Variants in ANKRD12 observed in about 807,000 individuals in gnomAD.
ANKRD12 encodes ankyrin repeat domain 12.
Under a neutral mutation model 183.4 loss-of-function variants are expected in ANKRD12, and 85 were observed. The ratio of observed to expected loss-of-function variants is 0.46; its 90% CI spans 0.39 to 0.56. The LOEUF is 0.56. ANKRD12 is among the 20% of genes least tolerant of loss of function. ANKRD12 has a pLI of 0.00. For synonymous variants in ANKRD12, 914 were observed against 800.2 expected (o/e 1.14, Z -2.40); for missense variants, 2,405 against 2,357.1 (o/e 1.02, Z -0.42).
chr18:9,267,045 TC>T (rs1481048421), intron 10 of ANKRD12, among the ~76,000 whole-genome samples: 1 of 152,006 alleles, frequency 6.6e-6, no homozygotes, highest in South Asian at 2.1e-4. Flanking sequence ...GGTAAAGGGA[TC>T]AATTCAACAA....
intron 8 of ANKRD12, among the ~76,000 whole-genome samples, chr18:9,249,452 T>C (rs573189555): frequency 1.3e-5 from 2 of 152,256 alleles, no homozygotes; most frequent in South Asian, 4.1e-4. Flanking sequence ...GTGGTAAAAA[T>C]ACACACCTTT....
intron 1 of ANKRD12, among the ~76,000 whole-genome samples, chr18:9,162,029 A>AT (rs943079958): frequency 2.0e-5 from 3 of 151,556 alleles, no homozygotes; most frequent in African/African-American, 4.9e-5. Flanking sequence ...CACCCAGCCA[A>AT]TTTTTTTTCC....
chr18:9,164,756 G>A (rs573396352), intron 1 of ANKRD12, among the ~76,000 whole-genome samples: 30 of 152,256 alleles, frequency 2.0e-4, no homozygotes, highest in African/African-American at 7.0e-4. Flanking sequence ...TGTTCTAAGA[G>A]AGTTTGTTGT....
intron 8 of ANKRD12, among the ~76,000 whole-genome samples, chr18:9,242,644 T>TGTA (rs2037729384): frequency 6.6e-6 from 1 of 152,188 alleles, no homozygotes; most frequent in African/African-American, 2.4e-5. Context: ...AAGTCTTATT[T>TGTA]TCAGAGGAAA....
At chr18:9,217,410 A>G (rs1043782929) in intron 7 of ANKRD12, among the ~76,000 whole-genome samples, 2 of 152,178 alleles carry the variant, frequency 1.3e-5, no homozygotes, top group African/African-American at 2.4e-5. Context: ...TCTAAAATTG[A>G]TATTTCAAAG....
intron 8 of ANKRD12, among the ~76,000 whole-genome samples, chr18:9,249,926 G>A (rs1197814674): frequency 6.6e-6 from 1 of 152,166 alleles, no homozygotes; most frequent in East Asian, 1.9e-4. Flanking sequence ...ATGAAAGAGG[G>A]GAGTCATGGT....
At position 9,254,688 on chromosome 18, in the gene ANKRD12, G is replaced by T; in HGVS notation, c.1421G>T (p.Arg474Ile). ...CACAAACAGAAAGGCAAAGTTAAAA[G>T]AAAATTGAAAAATCAGAATAAAAAT... Reference protein sequence around the residue: ...GEHKQKGKVKRKLKNQNKNKE... With the variant: ...GEHKQKGKVKIKLKNQNKNKE... The change falls in exon 9 of 13, where the codon AGA becomes ATA. Residue 474 changes from arginine (R) to isoleucine (I), a missense_variant. Physicochemically the swap from Arg to Ile is moderately conservative, Grantham distance 97. Coordinates refer to ENST00000262126, the MANE Select transcript of ANKRD12 (RefSeq NM_015208.5). The T allele has an allele frequency of 6.6e-7, 1 of 1,513,668 alleles. No individual in the cohort carries two copies. The highest frequency in any genetic ancestry group is 1.4e-5 in the African/African-American group (1 of 70,542). The allele number at this position is 1,513,668 out of a possible 1,614,324, so 93.8% of individuals were successfully genotyped here. A position where few individuals can be genotyped will look rare whatever the true frequency, so the allele number is the denominator to read the frequency against.
chr18:9,142,610 A>C (rs1224770876), intron 1 of ANKRD12, among the ~76,000 whole-genome samples: 1 of 152,170 alleles, frequency 6.6e-6, no homozygotes, highest in African/African-American at 2.4e-5. Flanking sequence ...GGCCAGGTGC[A>C]GTAGGTCACT....
chr18:9,257,083 G>C lies in ANKRD12; in HGVS notation c.3816G>C (p.Arg1272=). ...ELDSLADLPE[R]IKPPYANRLS... is the part of the protein sequence containing the mutation. ...ACAGCCTGGCTGACTTGCCGGAGCG[G>C]ATTAAACCACCATATGCAAACAGAC... Residue 1272 remains arginine, a synonymous_variant, in exon 9 of 13, where the codon CGG becomes CGC. Transcript: ENST00000262126. The C allele has an allele frequency of 6.2e-7, 1 of 1,614,098 alleles. No homozygotes were observed. The highest frequency in any genetic ancestry group is 8.5e-7 in the Non-Finnish European group (1 of 1,179,996).
chr18:9,155,544 C>T lies in ANKRD12; in HGVS notation c.-52+18579C>T, dbSNP rs533871755. Among the ~76,000 whole-genome samples the T allele has an allele frequency of 1.9e-4, 29 of 152,318 alleles. 1 individual carries two copies. In the South Asian group the frequency reaches 5.4e-3, roughly 28 times the overall value. ...AAATTTTTATGGTTTCTGCCAAATA[C>T]CTCTCCAAGGAGAATATATCCCAAT... On this transcript the variant is annotated intron_variant, in intron 1 of 12. Transcript: ENST00000262126.
intron 10 of ANKRD12, among the ~76,000 whole-genome samples, chr18:9,270,209 T>G (rs2039519409): frequency 6.6e-6 from 1 of 152,208 alleles, no homozygotes; most frequent in South Asian, 2.1e-4. Flanking sequence ...GTGTGGCGAT[T>G]CCTTAGGGAT....
intron 4 of ANKRD12, 105 bp downstream of exon 4, chr18:9,204,649 C>T: frequency 1.1e-6 from 1 of 878,036 alleles, no homozygotes; most frequent in Non-Finnish European, 1.7e-6. Flanking sequence ...ATATAGATAT[C>T]TTTGGTTAAA....
rs1300328695 is a variant in ANKRD12, at chr18:9,216,872, A to G, written c.767A>G (p.His256Arg). 6.2e-7 allele frequency: 1 copy of G among 1,613,322 alleles called. No homozygotes were observed. Among genetic ancestry groups the G allele is most frequent in the Non-Finnish European group, 8.5e-7 (1 of 1,179,630 alleles). ...TQGLDDDTPL[H>R]DSASSGHRDI... ...GGATTAGATGATGACACTCCACTCC[A>G]TGATTCTGCTAGTAGTGGGCACAGA... The change falls in exon 7 of 13, where the codon CAT (histidine) becomes CGT (arginine). Residue 256 changes from histidine (H) to arginine (R), a missense_variant. By Grantham distance (29) the His-to-Arg change is conservative. Coordinates refer to ENST00000262126, the MANE Select transcript of ANKRD12 (RefSeq NM_015208.5).
intron 3 of ANKRD12, among the ~76,000 whole-genome samples, chr18:9,202,822 G>A (rs1006059848): frequency 3.3e-5 from 5 of 152,204 alleles, no homozygotes; most frequent in African/African-American, 4.8e-5. Flanking sequence ...CTGAGTTAAA[G>A]CTTTATAGAC....
At chr18:9,137,148 A>T (rs1189221581) in intron 1 of ANKRD12, 183 bp downstream of exon 1, 2 of 150,224 alleles carry the variant, frequency 1.3e-5, no homozygotes, top group Admixed American at 6.6e-5. Context: ...CCGCCCGCCC[A>T]GCCTGGCCCG....
chr18:9,256,811 T>G lies in ANKRD12; in HGVS notation c.3544T>G (p.Ser1182Ala). ...GACTTTAGGGAAGTCATCTTTTGTT[T>G]CAGATAATAGCTTAAACAGGTCTCC... is the stretch of plus-strand genomic sequence containing the variant. The part of the protein sequence containing the change: ...VMTLGKSSFV[S>A]DNSLNRSPRS... Residue 1182 changes from serine to alanine, a missense_variant, in exon 9 of 13, where the codon TCA becomes GCA. This residue lies in a region of ANKRD12 where 1,983 missense variants were observed against 1,725.9 expected (regional missense o/e 1.15). Transcript: ENST00000262126. 1 of 1,614,018 alleles carries G rather than the reference T, an allele frequency of 6.2e-7. No homozygotes were observed. The highest frequency in any genetic ancestry group is 2.2e-5 in the East Asian group (1 of 44,888).
intron 1 of ANKRD12, among the ~76,000 whole-genome samples, chr18:9,166,200 T>C (rs544004588): frequency 6.6e-6 from 1 of 152,324 alleles, no homozygotes; most frequent in African/African-American, 2.4e-5. Flanking sequence ...TGTGTCTTTA[T>C]AGCAGCATGA....
chr18:9,161,769 A>G (rs1388584609), intron 1 of ANKRD12, among the ~76,000 whole-genome samples: 2 of 151,806 alleles, frequency 1.3e-5, no homozygotes, highest in Non-Finnish European at 2.9e-5. Flanking sequence ...TATATAAAAT[A>G]TATATATATG....
At chr18:9,162,808 G>GT (rs142801737) in intron 1 of ANKRD12, among the ~76,000 whole-genome samples, 84,641 of 151,302 alleles carry the variant, frequency 0.56, 24,834 homozygotes, top group South Asian at 0.76. Flanking sequence ...GTGATATTGA[G>GT]TTTTTTTTCA....
Sources: allele counts gnomAD v4.1 joint callset (sites outside exome capture counted in the v4.1 genomes callset), GRCh38; gene constraint gnomAD v4.1.1; regional missense constraint gnomAD v4.1.1; transcripts MANE v1.5; gene names NCBI Gene and HGNC (gene_info 2026-07-23, HGNC 2026-07-21).